NINL: variants seen among roughly 807,000 people sequenced by gnomAD.
NINL encodes ninein like.
Under a neutral mutation model 160.3 loss-of-function variants are expected in NINL, and 153 were observed. The observed-to-expected ratio is 0.95, with a 90% confidence interval of 0.84 to 1.09. The LOEUF (loss-of-function observed/expected upper bound fraction) is 1.09. Among genes scored for constraint, NINL ranks in the 50% least tolerant of loss-of-function variants. The probability of loss-of-function intolerance (pLI) is 0.00; values close to 1 mark genes in which losing one functional copy is unlikely to be tolerated. For missense variants in NINL, 1,829 were observed against 1,764.0 expected, an observed-to-expected ratio of 1.04 and a Z score of -0.66; for synonymous variants, 800 against 734.8, an observed-to-expected ratio of 1.09 and a Z score of -1.43.
At chr20:25,574,582 A>G (rs1379712245) in intron 1 of NINL, among the ~76,000 whole-genome samples, 1 of 152,136 alleles carries the variant, frequency 6.6e-6, no homozygotes, top group Non-Finnish European at 1.5e-5. Flanking sequence ...GGAAGTGTCC[A>G]CATCTCCCCT....
At chr20:25,540,135 T>C in intron 1 of NINL, 2 of 953,548 alleles carry the variant, frequency 2.1e-6, no homozygotes, top group Non-Finnish European at 1.5e-6. Flanking sequence ...CCAGAAAATC[T>C]GGCCAGCATT....
intron 12 of NINL, 135 bp from the exon 13 acceptor site, chr20:25,489,459 T>A: frequency 1.4e-6 from 1 of 703,884 alleles, no homozygotes; most frequent in Non-Finnish European, 2.5e-6. Flanking sequence ...ATAGCCGCCA[T>A]CCCCCCTCCT....
At chr20:25,537,250 T>G (rs2064574331) in intron 1 of NINL, among the ~76,000 whole-genome samples, 1 of 151,988 alleles carries the variant, frequency 6.6e-6, no homozygotes, top group African/African-American at 2.4e-5. Context: ...GCCTGGCTAC[T>G]TTTAAACTTT....
At position 25,476,575 on chromosome 20, in the gene NINL, A is replaced by G; in HGVS notation, c.2716T>C (p.Trp906Arg). The G allele has an allele frequency of 6.3e-7, 1 of 1,598,704 alleles. No homozygotes were observed. Among genetic ancestry groups the G allele is most frequent in the East Asian group, 2.2e-5 (1 of 44,768 alleles). ...APASHGPSERWSRMQPCGVDG... is the reference protein window; with the variant it reads ...APASHGPSERRSRMQPCGVDG... ...ACTCCACAGGGCTGCATGCGTGACC[A>G]CCTCTCTGAGGGGCCGTGGGATGCC... The change falls in exon 17 of 24, where the codon TGG (tryptophan) becomes CGG (arginine). Residue 906 changes from tryptophan (W) to arginine (R), a missense_variant. Transcript: ENST00000278886.
intron 1 of NINL, among the ~76,000 whole-genome samples, chr20:25,543,433 C>T (rs930378202): frequency 6.6e-6 from 1 of 152,092 alleles, no homozygotes; most frequent in Admixed American, 6.6e-5. Flanking sequence ...TGCCTGTAGT[C>T]CCAGCTACTC....
At chr20:25,543,166 G>A (rs1896357526) in intron 1 of NINL, among the ~76,000 whole-genome samples, 1 of 151,976 alleles carries the variant, frequency 6.6e-6, no homozygotes, top group African/African-American at 2.4e-5. Context: ...AGATTACACA[G>A]ACACACACAC....
intron 17 of NINL, among the ~76,000 whole-genome samples, chr20:25,473,102 GAC>G (rs1420475234): frequency 6.6e-6 from 1 of 152,184 alleles, no homozygotes; most frequent in East Asian, 1.9e-4. Context: ...AAGAAAGTCA[GAC>G]ACAGAAGAGT....
chr20:25,457,436 C>G (rs761816526), intron 22 of NINL, among the ~76,000 whole-genome samples: 1 of 152,200 alleles, frequency 6.6e-6, no homozygotes, highest in Non-Finnish European at 1.5e-5. Flanking sequence ...GAGAACTGGT[C>G]CTAAGATTTT....
At chr20:25,521,371 A>C (rs2064260119) in intron 2 of NINL, among the ~76,000 whole-genome samples, 1 of 152,202 alleles carries the variant, frequency 6.6e-6, no homozygotes, top group Non-Finnish European at 1.5e-5. Context: ...TAGTAACCAT[A>C]GTTGTTTTAT....
Position 25,476,534 on chromosome 20 carries a change from G to C in NINL, c.2757C>G (p.Val919=), listed in dbSNP as rs759869856. 1 of 1,600,630 alleles carries C rather than the reference G, an allele frequency of 6.2e-7. No homozygotes were observed. The highest frequency in any genetic ancestry group is 2.2e-5 in the East Asian group (1 of 44,866). ...CGCCGAAAGGCTCTGGCTCCTTTGG[G>C]ACAATATCCCCATCCACTCCACAGG... ...MQPCGVDGDI[V]PKEPEPFGAS... is the part of the protein sequence containing the mutation. Residue 919 remains valine (V), a synonymous_variant, in exon 17 of 24, where the codon GTC becomes GTG. Transcript: ENST00000278886.
chr20:25,535,523 G>C (rs1368140045), intron 1 of NINL, among the ~76,000 whole-genome samples: 13 of 152,034 alleles, frequency 8.6e-5, no homozygotes, highest in Admixed American at 8.5e-4. Flanking sequence ...ATAAATATAT[G>C]CATTTTTGTC....
rs962864929 is a variant in NINL at position 25,547,305 on chromosome 20, C to T, written c.-11-20707G>A. Among the ~76,000 whole-genome samples the T allele has an allele frequency of 5.9e-5, 9 of 152,340 alleles. No homozygotes were observed. In the South Asian group the frequency reaches 1.7e-3, roughly 28 times the overall value. Reference sequence around the variant, plus strand: ...AGCTAAACCCCATCCACCTCTTCATCTGCTGTTCATCCACATTCTTGGTCA... The same window carrying T: ...AGCTAAACCCCATCCACCTCTTCATTTGCTGTTCATCCACATTCTTGGTCA... On this transcript the variant is annotated intron_variant, in intron 1 of 23. Transcript: ENST00000278886.
At chr20:25,500,730 GCA>G in intron 8 of NINL, 108 bp downstream of exon 8, 1 of 1,181,562 alleles carries the variant, frequency 8.5e-7, no homozygotes, top group Non-Finnish European at 1.2e-6. Context: ...TCTGCACAGA[GCA>G]CACACCCCTG....
Position 25,476,579 on chromosome 20 carries a change from C to T in NINL, c.2712G>A (p.Glu904=), listed in dbSNP as rs2063248065. 4.4e-6 allele frequency: 7 copies of T among 1,599,354 alleles called. No individual in the cohort carries two copies. The highest frequency in any genetic ancestry group is 5.9e-6 in the Non-Finnish European group (7 of 1,179,678). The stretch of plus-strand genomic sequence containing the variant: ...CACAGGGCTGCATGCGTGACCACCT[C>T]TCTGAGGGGCCGTGGGATGCCGGGG... The part of the protein sequence containing the change: ...APAPASHGPS[E]RWSRMQPCGV... Residue 904 remains glutamate (E), a synonymous_variant, in exon 17 of 24, where the codon GAG becomes GAA. Coordinates refer to ENST00000278886, the MANE Select transcript of NINL (RefSeq NM_025176.6).
intron 1 of NINL, among the ~76,000 whole-genome samples, chr20:25,557,398 G>A (rs2147117730): frequency 6.6e-6 from 1 of 152,212 alleles, no homozygotes; most frequent in South Asian, 2.1e-4. Flanking sequence ...AGGTGTGATG[G>A]TGCATGCCTG....
At chr20:25,486,147 G>A (rs1001879477) in intron 13 of NINL, among the ~76,000 whole-genome samples, 8 of 152,218 alleles carry the variant, frequency 5.3e-5, no homozygotes, top group African/African-American at 9.7e-5. Flanking sequence ...ACACAGACAC[G>A]TGCTCTGTGC....
chr20:25,526,049 T>C (rs543474675), intron 2 of NINL, among the ~76,000 whole-genome samples: 1 of 152,364 alleles, frequency 6.6e-6, no homozygotes, highest in East Asian at 1.9e-4. Context: ...TGTGACGCTC[T>C]CTCTGATTAC....
chr20:25,485,570 T>C (rs2063490168), intron 13 of NINL, among the ~76,000 whole-genome samples: 1 of 152,222 alleles, frequency 6.6e-6, no homozygotes, highest in Non-Finnish European at 1.5e-5. Flanking sequence ...CTTATACACC[T>C]TTTTCTTATT....
At chr20:25,583,624 G>A (rs1335493171) in intron 1 of NINL, among the ~76,000 whole-genome samples, 5 of 152,186 alleles carry the variant, frequency 3.3e-5, no homozygotes, top group Non-Finnish European at 7.3e-5. Flanking sequence ...CCATTACTGG[G>A]TATATACCCA....
Sources: gnomAD v4.1 joint callset for allele counts (sites outside exome capture counted in the v4.1 genomes callset) on GRCh38, gnomAD v4.1.1 for gene constraint, MANE v1.5 for transcripts, NCBI Gene and HGNC (gene_info 2026-07-23, HGNC 2026-07-21) for gene names.